Variants in LTBP1 observed in about 807,000 individuals in gnomAD.
LTBP1 encodes latent transforming growth factor beta binding protein 1.
In LTBP1, 129 loss-of-function variants were observed where a neutral mutation model predicts 207.6. That is an observed-to-expected ratio of 0.62 (90% CI 0.54 to 0.72). LTBP1 has a LOEUF of 0.72. Ranked by LOEUF, LTBP1 falls within the 30% of genes least tolerant of loss-of-function variation. LTBP1 has a pLI of 0.00. For synonymous variants in LTBP1, 963 were observed against 833.7 expected (o/e 1.16, Z -2.67); for missense variants, 2,281 against 2,217.2 (o/e 1.03, Z -0.58).
At chr2:33,174,817 C>T (rs1001422714) in intron 5 of LTBP1, among the ~76,000 whole-genome samples, 1 of 152,146 alleles carries the variant, frequency 6.6e-6, no homozygotes, top group Non-Finnish European at 1.5e-5. Flanking sequence ...AGATATAGAT[C>T]AATGGAAGAG....
rs1177219124 is a variant in LTBP1 at position 33,364,201 on chromosome 2, T to C, written c.4400-15T>C. 6.2e-7 allele frequency: 1 copy of C among 1,611,244 alleles called. No homozygotes were observed. The highest frequency in any genetic ancestry group is 8.5e-7 in the Non-Finnish European group (1 of 1,179,114). On this transcript the variant is annotated splice_polypyrimidine_tract_variant and intron_variant, in intron 29 of 33. Transcript: ENST00000404816. ...TGGCTGATTTTCTTTAGTAATACTT[T>C]TTTTTGCTCTTAAGATATGGATGAA... is the stretch of plus-strand genomic sequence containing the variant.
chr2:33,049,414 A>G (rs924444336), intron 3 of LTBP1, among the ~76,000 whole-genome samples: 5 of 152,200 alleles, frequency 3.3e-5, no homozygotes, highest in African/African-American at 1.2e-4. Flanking sequence ...CATTTGCATC[A>G]ATGTGTCTTT....
chr2:33,195,564 C>A (rs567498865), intron 7 of LTBP1, among the ~76,000 whole-genome samples: 1 of 152,284 alleles, frequency 6.6e-6, no homozygotes, highest in Non-Finnish European at 1.5e-5. Flanking sequence ...CATGTTCAAA[C>A]TTGAATGGAT....
chr2:32,984,168 A>T (rs568811111), intron 2 of LTBP1, among the ~76,000 whole-genome samples: 5 of 152,360 alleles, frequency 3.3e-5, no homozygotes, highest in African/African-American at 9.6e-5. Flanking sequence ...GGTGTCAGGG[A>T]TAGAGTGGCT....
chr2:33,368,039 A>G (rs1574040438), intron 31 of LTBP1, among the ~76,000 whole-genome samples: 1 of 152,096 alleles, frequency 6.6e-6, no homozygotes, highest in Admixed American at 6.6e-5. Flanking sequence ...ACACAGTGAA[A>G]CCCTGTCTCT....
chr2:33,253,809 G>A (rs2092749746), intron 11 of LTBP1, among the ~76,000 whole-genome samples: 1 of 150,518 alleles, frequency 6.6e-6, no homozygotes, highest in Admixed American at 6.6e-5. Flanking sequence ...TATGTTGGTA[G>A]ACTAGATAAT....
intron 2 of LTBP1, among the ~76,000 whole-genome samples, chr2:33,015,774 G>A (rs1336973514): frequency 6.6e-6 from 1 of 152,196 alleles, no homozygotes; most frequent in Admixed American, 6.5e-5. Context: ...TTCTGGGGAG[G>A]CCTCGGGAAA....
intron 3 of LTBP1, among the ~76,000 whole-genome samples, chr2:33,042,033 C>T (rs1033899590): frequency 6.6e-6 from 1 of 152,102 alleles, no homozygotes; most frequent in Non-Finnish European, 1.5e-5. Context: ...TTTCTTTGTG[C>T]CATTCTAATA....
At chr2:33,356,935 A>G (rs571748128) in intron 26 of LTBP1, among the ~76,000 whole-genome samples, 1 of 152,270 alleles carries the variant, frequency 6.6e-6, no homozygotes, top group East Asian at 1.9e-4. Context: ...GGGGGTAACT[A>G]TTTACTCATG....
In LTBP1 at chr2:33,215,265, A is replaced by G. The variant is rs75492894; in HGVS notation, c.1702-2287A>G. Reference sequence around the variant, plus strand: ...ATGACCCTAGGAGAAAGATACTATTATGCACTCTACGTTATGGGTAGGAAA... The same window carrying G: ...ATGACCCTAGGAGAAAGATACTATTGTGCACTCTACGTTATGGGTAGGAAA... On this transcript the variant is annotated intron_variant, in intron 7 of 33. Coordinates refer to ENST00000404816, the MANE Select transcript of LTBP1 (RefSeq NM_206943.4). Among the ~76,000 whole-genome samples, 506 of 152,260 alleles carry G rather than the reference A, an allele frequency of 3.3e-3. 4 individuals carry two copies. Among genetic ancestry groups the G allele is most frequent in the African/African-American group, 0.012 (486 of 41,528 alleles).
chr2:33,372,886 A>G (rs1167308859), intron 31 of LTBP1, among the ~76,000 whole-genome samples: 1 of 152,188 alleles, frequency 6.6e-6, no homozygotes, highest in Non-Finnish European at 1.5e-5. Flanking sequence ...ATAAGCTTAA[A>G]TGTTCTGGAA....
At position 33,041,370 on chromosome 2, in the gene LTBP1, C is replaced by T. The variant is rs557706688; in HGVS notation, c.863+20164C>T. 1.4e-4 allele frequency among the ~76,000 whole-genome samples: 21 copies of T among 152,234 alleles called. No individual in the cohort carries two copies. In the East Asian group the frequency reaches 2.3e-3, roughly 17 times the overall value. On this transcript the variant is annotated intron_variant, in intron 3 of 33. Coordinates refer to ENST00000404816, the MANE Select transcript of LTBP1 (RefSeq NM_206943.4). ...CATGATCTCGGCTCACTGCAACCTCCGCCGCCTGGGTTCAAGCGATTCTTC... is the reference window on the plus strand; with the variant it reads ...CATGATCTCGGCTCACTGCAACCTCTGCCGCCTGGGTTCAAGCGATTCTTC...
At chr2:33,237,220 C>T (rs1187924917) in intron 9 of LTBP1, among the ~76,000 whole-genome samples, 2 of 152,148 alleles carry the variant, frequency 1.3e-5, no homozygotes, top group African/African-American at 4.8e-5. Context: ...GCCAAATGTG[C>T]AGAAAAACCA....
chr2:33,048,588 A>G (rs2076566363), intron 3 of LTBP1, among the ~76,000 whole-genome samples: 1 of 152,238 alleles, frequency 6.6e-6, no homozygotes, highest in Non-Finnish European at 1.5e-5. Flanking sequence ...CTAAAAATAG[A>G]AATCAACCTG....
intron 9 of LTBP1, among the ~76,000 whole-genome samples, chr2:33,243,058 G>A (rs891883451): frequency 6.6e-5 from 10 of 152,054 alleles, no homozygotes; most frequent in African/African-American, 2.4e-4. Flanking sequence ...CAAGCTCCAG[G>A]GTTTCCCACA....
In LTBP1 at chr2:33,049,739, A is replaced by G. The variant is rs529601758; in HGVS notation, c.863+28533A>G. Reference sequence around the variant, plus strand: ...GAATATATACTCAATCAGAAGTGTTAACAGCAAAGCTAGAAGGAACTTTGA... The same window carrying G: ...GAATATATACTCAATCAGAAGTGTTGACAGCAAAGCTAGAAGGAACTTTGA... On this transcript the variant is annotated intron_variant, in intron 3 of 33. Coordinates refer to ENST00000404816, the MANE Select transcript of LTBP1 (RefSeq NM_206943.4). Among the ~76,000 whole-genome samples, 4 of 152,346 alleles carry G rather than the reference A, an allele frequency of 2.6e-5. No individual in the cohort carries two copies. In the East Asian group the frequency reaches 7.7e-4, roughly 29 times the overall value.
At chr2:33,150,578 C>T (rs1572868384) in intron 5 of LTBP1, among the ~76,000 whole-genome samples, 1 of 151,974 alleles carries the variant, frequency 6.6e-6, no homozygotes, top group Non-Finnish European at 1.5e-5. Flanking sequence ...CCTTTCTCCC[C>T]TAGCCTCTGG....
At chr2:33,335,084 C>G (rs1002121316) in intron 24 of LTBP1, among the ~76,000 whole-genome samples, 1 of 150,332 alleles carries the variant, frequency 6.7e-6, no homozygotes, top group African/African-American at 2.5e-5. Flanking sequence ...TGGCACTGCT[C>G]TCTAGTGTGG....
intron 31 of LTBP1, among the ~76,000 whole-genome samples, chr2:33,379,295 C>T (rs527986576): frequency 6.6e-6 from 1 of 151,214 alleles, no homozygotes; most frequent in Non-Finnish European, 1.5e-5. Context: ...CTGCAAGCTC[C>T]GCCTCCCAGG....
Sources: allele counts gnomAD v4.1 joint callset (sites outside exome capture counted in the v4.1 genomes callset), GRCh38; gene constraint gnomAD v4.1.1; transcripts MANE v1.5; gene names NCBI Gene and HGNC (gene_info 2026-07-23, HGNC 2026-07-21).